Variants in CALN1 observed in about 807,000 individuals in gnomAD.
The protein encoded by CALN1 is calneuron 1.
CALN1 carries 17 observed loss-of-function variants against 30.6 expected under a neutral mutation model. That is an observed-to-expected ratio of 0.56 (90% CI 0.38 to 0.83). CALN1 has a LOEUF of 0.83. Ranked by LOEUF, CALN1 falls within the 40% of genes least tolerant of loss-of-function variation. CALN1 has a pLI of 0.00. For synonymous variants in CALN1, 156 were observed against 131.4 expected (o/e 1.19, Z -1.28); for missense variants, 291 against 354.9 (o/e 0.82, Z 1.45).
chr7:72,247,223 CTTTCTTTTTTTT>C (rs1795236095), intron 3 of CALN1, among the ~76,000 whole-genome samples: 1 of 43,490 alleles, frequency 2.3e-5, no homozygotes, highest in African/African-American at 6.0e-5. Context: ...AGACCATTTT[CTTTCTTTTTTTT>C]TTTTTTTTTT....
At chr7:72,410,560 T>C (rs1217425678) in intron 1 of CALN1, among the ~76,000 whole-genome samples, 2 of 152,096 alleles carry the variant, frequency 1.3e-5, no homozygotes, top group South Asian at 2.1e-4. Context: ...TGAAATGAGC[T>C]TTTCAAATCA....
At chr7:72,218,392 G>C (rs1476983982) in intron 3 of CALN1, among the ~76,000 whole-genome samples, 1 of 152,004 alleles carries the variant, frequency 6.6e-6, no homozygotes, top group African/African-American at 2.4e-5. Flanking sequence ...AGGTTGCAGT[G>C]AACTGAGATC....
chr7:72,345,050 T>C lies in CALN1; in HGVS notation c.119+58201A>G, dbSNP rs577513503. Among the ~76,000 whole-genome samples, 3 of 148,152 alleles carry C rather than the reference T, an allele frequency of 2.0e-5. No individual in the cohort carries two copies. In the East Asian group the frequency reaches 5.8e-4, roughly 29 times the overall value. The stretch of plus-strand genomic sequence containing the variant: ...ATGGCACATGTTATATATTATATCG[T>C]ATGTACTGTTATATTCATGCATGTT... On this transcript the variant is annotated intron_variant, in intron 2 of 6. Transcript: ENST00000395275.
At chr7:71,932,857 G>T (rs1244503101) in intron 5 of CALN1, among the ~76,000 whole-genome samples, 4 of 151,600 alleles carry the variant, frequency 2.6e-5, no homozygotes, top group Non-Finnish European at 5.9e-5. Flanking sequence ...AGAATCTAGG[G>T]GGGTATGGGA....
intron 2 of CALN1, among the ~76,000 whole-genome samples, chr7:72,381,408 T>C (rs1804891349): frequency 6.6e-6 from 1 of 152,176 alleles, no homozygotes; most frequent in Non-Finnish European, 1.5e-5. Flanking sequence ...GCAGCACTAT[T>C]TACATTAGCA....
At chr7:71,795,992 G>A (rs1406491990) in intron 6 of CALN1, among the ~76,000 whole-genome samples, 1 of 140,344 alleles carries the variant, frequency 7.1e-6, no homozygotes, top group Admixed American at 7.1e-5. Flanking sequence ...CTAATTTTTT[G>A]CATTTTTTTT....
chr7:72,157,629 G>A (rs769695423), intron 3 of CALN1, among the ~76,000 whole-genome samples: 24 of 152,186 alleles, frequency 1.6e-4, no homozygotes, highest in Non-Finnish European at 1.2e-4. Flanking sequence ...GAAAACTGGA[G>A]GAGAGGAGGA....
intron 3 of CALN1, among the ~76,000 whole-genome samples, chr7:72,168,564 C>T (rs1788697291): frequency 6.6e-6 from 1 of 152,106 alleles, no homozygotes; most frequent in South Asian, 2.1e-4. Flanking sequence ...AGACGTGGCA[C>T]CCATCTGTCT....
intron 5 of CALN1, among the ~76,000 whole-genome samples, chr7:71,827,493 G>C (rs915105334): frequency 6.6e-6 from 1 of 152,076 alleles, no homozygotes; most frequent in Non-Finnish European, 1.5e-5. Flanking sequence ...GAGTGAGGAC[G>C]GGCATGGTGG....
intron 2 of CALN1, among the ~76,000 whole-genome samples, chr7:72,387,364 G>A (rs1020429936): frequency 7.3e-5 from 11 of 150,692 alleles, no homozygotes; most frequent in African/African-American, 2.4e-4. Context: ...TGCTCTCATG[G>A]AGCAGGAGCA....
Position 71,961,985 on chromosome 7 carries a change from CTT to C in CALN1, c.501+61670_501+61671del, listed in dbSNP as rs376552825. Among the ~76,000 whole-genome samples, 582 of 152,234 alleles carry C rather than the reference CTT, an allele frequency of 3.8e-3. 5 individuals carry two copies. The highest frequency in any genetic ancestry group is 0.013 in the African/African-American group (553 of 41,526). On this transcript the variant is annotated intron_variant, in intron 5 of 6. Transcript: ENST00000395275. Reference sequence around the variant, plus strand: ...GTAGCCTCAGGGAGCCTCATTATATCTTGTTTGTTCCTTTCACCTGCCTACCC... The same window carrying C: ...GTAGCCTCAGGGAGCCTCATTATATCGTTTGTTCCTTTCACCTGCCTACCC...
At chr7:72,354,048 G>A (rs187445219) in intron 2 of CALN1, among the ~76,000 whole-genome samples, 137 of 152,146 alleles carry the variant, frequency 9.0e-4, no homozygotes, top group African/African-American at 3.0e-3. Context: ...TTAGCCAGGC[G>A]TGGTGGTGGG....
chr7:72,045,319 C>T (rs1406559664), intron 4 of CALN1, among the ~76,000 whole-genome samples: 1 of 152,196 alleles, frequency 6.6e-6, no homozygotes, highest in Admixed American at 6.5e-5. Flanking sequence ...AGACAACCAG[C>T]TCCTGACTAT....
intron 5 of CALN1, among the ~76,000 whole-genome samples, chr7:71,827,795 T>A (rs1293017052): frequency 7.7e-4 from 116 of 150,028 alleles, no homozygotes; most frequent in African/African-American, 2.8e-3. Flanking sequence ...AATAAATAAA[T>A]AAATAAATAA....
chr7:72,337,332 C>G (rs919053968), intron 2 of CALN1: 43 of 970,524 alleles, frequency 4.4e-5, no homozygotes, highest in Non-Finnish European at 5.0e-5. Context: ...GAGCCCCCAC[C>G]CCCCAACCTC....
intron 2 of CALN1, among the ~76,000 whole-genome samples, chr7:72,279,419 C>T (rs1797583881): frequency 1.3e-5 from 2 of 152,230 alleles, no homozygotes; most frequent in African/African-American, 4.8e-5. Context: ...TGTGTGAGCA[C>T]ACACATTCTG....
At position 72,157,139 on chromosome 7, in the gene CALN1, C is replaced by A. The variant is rs558802607; in HGVS notation, c.245-50845G>T. ...ATCTGTCCTAGTGGGAGATCTTGAT[C>A]GATGACATGGGAACTACTGGTCAGA... On this transcript the variant is annotated intron_variant, in intron 3 of 6. Coordinates refer to ENST00000395275, the MANE Select transcript of CALN1 (RefSeq NM_031468.4). Among the ~76,000 whole-genome samples, 24 of 152,296 alleles carry A rather than the reference C, an allele frequency of 1.6e-4. No individual in the cohort carries two copies. The East Asian group carries it at 3.1e-3, about 20-fold the overall frequency.
intron 5 of CALN1, among the ~76,000 whole-genome samples, chr7:72,014,636 C>T (rs2129529541): frequency 6.6e-6 from 1 of 152,188 alleles, no homozygotes; most frequent in South Asian, 2.1e-4. Context: ...TACAAATTGC[C>T]ATATTTTTGC....
rs947114994 is a variant in CALN1, at chr7:72,314,350, CATAT to C, written c.120-35544_120-35541del. Among the ~76,000 whole-genome samples the C allele has an allele frequency of 1.7e-4, 21 of 122,944 alleles. No individual in the cohort carries two copies. In the East Asian group the frequency reaches 4.9e-3, roughly 28 times the overall value. 80.7% of individuals were successfully genotyped at this position (122,944 alleles called of 152,430 possible). ...TACACTATGTTAACATATATATATA[CATAT>C]ATATACATATACATATATACACATA... is the stretch of plus-strand genomic sequence containing the variant. On this transcript the variant is annotated intron_variant, in intron 2 of 6. Coordinates refer to ENST00000395275, the MANE Select transcript of CALN1 (RefSeq NM_031468.4).
Sources: gnomAD v4.1 joint callset for allele counts (sites outside exome capture counted in the v4.1 genomes callset) on GRCh38, gnomAD v4.1.1 for gene constraint, MANE v1.5 for transcripts, NCBI Gene and HGNC (gene_info 2026-07-23, HGNC 2026-07-21) for gene names.